The following TJP1 variants were observed in gnomAD, a reference collection of about 807,000 sequenced individuals.
TJP1 encodes tight junction protein ZO-1.
TJP1 carries 43 observed loss-of-function variants against 194.2 expected under a neutral mutation model. The ratio of observed to expected loss-of-function variants is 0.22; its 90% CI spans 0.17 to 0.29. The LOEUF (loss-of-function observed/expected upper bound fraction) is 0.29, where lower values mean the gene tolerates loss of function less well. TJP1 is among the 10% of genes least tolerant of loss of function. The pLI, the probability that TJP1 is intolerant of heterozygous loss-of-function variation, is 1.00. For missense variants in TJP1, 1,971 were observed against 2,185.7 expected (o/e 0.90, Z 1.96); for synonymous variants, 801 against 779.0 (o/e 1.03, Z -0.47).
intron 2 of TJP1, among the ~76,000 whole-genome samples, chr15:29,949,223 T>A (rs1310424849): frequency 3.9e-5 from 3 of 76,694 alleles, no homozygotes; most frequent in Admixed American, 1.2e-4. Flanking sequence ...CACCTCCACT[T>A]TCACCACCAC....
At chr15:29,812,253 T>A (rs1275242202) in intron 1 of TJP1, among the ~76,000 whole-genome samples, 1 of 152,220 alleles carries the variant, frequency 6.6e-6, no homozygotes, top group Admixed American at 6.5e-5. Flanking sequence ...GACAGGTGAA[T>A]GGTGTTTACA....
chr15:29,778,777 T>G (rs1835526715), intron 2 of TJP1, among the ~76,000 whole-genome samples: 1 of 152,106 alleles, frequency 6.6e-6, no homozygotes, highest in Non-Finnish European at 1.5e-5. Flanking sequence ...CTTGCAAGCT[T>G]CAGCTCATCT....
chr15:29,898,431 C>A (rs527895114), intron 2 of TJP1, among the ~76,000 whole-genome samples: 71 of 152,286 alleles, frequency 4.7e-4, no homozygotes, highest in African/African-American at 1.5e-3. Flanking sequence ...TGAACGAATA[C>A]AACAAACATT....
chr15:29,836,891 T>C (rs992571628), intron 2 of TJP1, among the ~76,000 whole-genome samples: 5 of 152,134 alleles, frequency 3.3e-5, no homozygotes, highest in African/African-American at 1.2e-4. Flanking sequence ...AAGTGCCAAC[T>C]TGGAAGCAGA....
chr15:29,750,194 G>C (rs1373768360), intron 8 of TJP1, among the ~76,000 whole-genome samples: 10 of 152,098 alleles, frequency 6.6e-5, no homozygotes, highest in African/African-American at 2.4e-4. Flanking sequence ...TTTTAGTAGA[G>C]ACAGGGTTTC....
intron 2 of TJP1, among the ~76,000 whole-genome samples, chr15:29,932,356 G>C (rs533748577): frequency 4.6e-5 from 7 of 152,194 alleles, no homozygotes; most frequent in Non-Finnish European, 1.0e-4. Flanking sequence ...GCATTTGACA[G>C]ACATGGTATT....
rs1244246968 is a variant in TJP1, at chr15:29,822,229, C to T, written c.-201G>A. The T allele has an allele frequency of 6.8e-6, 8 of 1,177,478 alleles. No homozygotes were observed. Among genetic ancestry groups the T allele is most frequent in the Non-Finnish European group, 6.3e-6 (6 of 952,848 alleles). 72.9% of individuals were successfully genotyped at this position (1,177,478 alleles called of 1,614,324 possible). Reference sequence around the variant, plus strand: ...CGGGAAGCGCCCGCCCCGCCCGGGTCTTCTCCACGGGGCGCGCCCGACCGG... The same window carrying T: ...CGGGAAGCGCCCGCCCCGCCCGGGTTTTCTCCACGGGGCGCGCCCGACCGG... On this transcript the variant is annotated 5_prime_UTR_variant, in exon 1 of 28. Coordinates refer to ENST00000614355, the MANE Select transcript of TJP1 (RefSeq NM_001330239.4).
chr15:29,716,874 T>A, intron 22 of TJP1, 36 bp from the exon 23 acceptor site: 1 of 1,518,274 alleles, frequency 6.6e-7, no homozygotes, highest in African/African-American at 1.4e-5. Flanking sequence ...AACACCTTTT[T>A]AAATATTAAT....
intron 2 of TJP1, among the ~76,000 whole-genome samples, chr15:29,878,874 C>T (rs1215409912): frequency 6.6e-6 from 1 of 152,096 alleles, no homozygotes; most frequent in East Asian, 1.9e-4. Context: ...CCTGTAATCC[C>T]AGCACTTAGG....
At chr15:29,938,851 C>T (rs910591225) in intron 2 of TJP1, among the ~76,000 whole-genome samples, 1 of 152,240 alleles carries the variant, frequency 6.6e-6, no homozygotes, top group African/African-American at 2.4e-5. Flanking sequence ...GAGACCCAAA[C>T]AGGACTTGGC....
chr15:29,869,246 T>C (rs1390898807), intron 2 of TJP1, among the ~76,000 whole-genome samples: 1 of 152,202 alleles, frequency 6.6e-6, no homozygotes, highest in Non-Finnish European at 1.5e-5. Flanking sequence ...TCTCTTTCTA[T>C]GCAGGACACA....
chr15:29,710,480 G>A (rs1008854076), intron 24 of TJP1, among the ~76,000 whole-genome samples: 7 of 152,202 alleles, frequency 4.6e-5, no homozygotes, highest in African/African-American at 1.7e-4. Flanking sequence ...AAGTCAAGGT[G>A]TATGGGATAC....
At chr15:29,701,835 G>A in intron 27 of TJP1, 146 bp from the exon 28 acceptor site, 1 of 620,050 alleles carries the variant, frequency 1.6e-6, no homozygotes, top group Admixed American at 2.9e-5. Context: ...ACACATTGCT[G>A]TATTTCAAAG....
chr15:29,704,062 T>A, intron 27 of TJP1, 100 bp downstream of exon 27: 1 of 1,294,614 alleles, frequency 7.7e-7, no homozygotes, highest in Non-Finnish European at 1.1e-6. Flanking sequence ...GGAACAGAGA[T>A]AGAGATTTGC....
intron 2 of TJP1, among the ~76,000 whole-genome samples, chr15:29,950,965 T>A (rs1180100311): frequency 6.6e-6 from 1 of 152,160 alleles, no homozygotes; most frequent in Non-Finnish European, 1.5e-5. Flanking sequence ...AAATAGCTAA[T>A]GTAATTAAAG....
rs1237173594 is a variant in TJP1, at chr15:29,718,648, T to C, written c.3494A>G (p.Tyr1165Cys). The C allele has an allele frequency of 2.5e-6, 4 of 1,614,160 alleles. No individual in the cohort carries two copies. The highest frequency in any genetic ancestry group is 1.6e-4 in the Middle Eastern group (1 of 6,062). The change falls in exon 21 of 28, where the codon TAT (tyrosine) becomes TGT (cysteine). Residue 1165 changes from tyrosine (Y) to cysteine (C), a missense_variant. Transcript: ENST00000614355. ...LRHEEQPAPG[Y>C]DTHGRLRPEA... is the part of the protein sequence containing the mutation. ...CGGTCTGAGTCTACCATGTGTGTCA[T>C]ACCCAGGAGCTGGCTGCTCTTCGTG... is the stretch of plus-strand genomic sequence containing the variant.
At chr15:29,822,598 T>G (rs1284420875), upstream of TJP1, 8 of 558,630 alleles carry the variant, frequency 1.4e-5, no homozygotes, top group African/African-American at 4.1e-5. Context: ...GCGGCCGGGG[T>G]CCCGACCCCA....
At chr15:29,874,693 T>G (rs777961231) in intron 2 of TJP1, among the ~76,000 whole-genome samples, 5 of 152,138 alleles carry the variant, frequency 3.3e-5, no homozygotes, top group African/African-American at 4.8e-5. Context: ...ATTTAGAAAT[T>G]TTTATTTTTA....
rs376516460 is a variant in TJP1 at position 29,907,513 on chromosome 15, C to T, written c.306+48719G>A. Among the ~76,000 whole-genome samples, 317 of 152,246 alleles carry T rather than the reference C, an allele frequency of 2.1e-3. 1 individual carries two copies. Among genetic ancestry groups the T allele is most frequent in the African/African-American group, 7.3e-3 (302 of 41,564 alleles). The stretch of plus-strand genomic sequence containing the variant: ...ACTATTAATACTGGTTATCTCTGAG[C>T]GATGAGATTATGCACAATTTCGGAG... On this transcript the variant is annotated intron_variant, in intron 2 of 28. Coordinates refer to the TJP1 transcript ENST00000356107.
Sources: gnomAD v4.1 joint callset for allele counts (sites outside exome capture counted in the v4.1 genomes callset) on GRCh38, gnomAD v4.1.1 for gene constraint, MANE v1.5 for transcripts, NCBI Gene and HGNC (gene_info 2026-07-23, HGNC 2026-07-21) for gene names.